The following TNIK variants were observed in gnomAD, a reference collection of about 807,000 sequenced individuals.
The protein encoded by TNIK is TRAF2 and NCK interacting kinase.
In TNIK, 49 loss-of-function variants were observed where a neutral mutation model predicts 191.3. The observed-to-expected ratio is 0.26, with a 90% CI of 0.20 to 0.32. The LOEUF (loss-of-function observed/expected upper bound fraction) is 0.32. Among genes scored for constraint, TNIK ranks in the 10% least tolerant of loss-of-function variants. The probability of loss-of-function intolerance (pLI) is 1.00; values close to 1 mark genes in which losing one functional copy is unlikely to be tolerated. For missense variants in TNIK, 1,155 were observed against 1,702.3 expected (o/e 0.68, Z 5.66); for synonymous variants, 594 against 600.9 (o/e 0.99, Z 0.17).
At chr3:171,401,341 T>C (rs1410441737) in intron 1 of TNIK, among the ~76,000 whole-genome samples, 1 of 152,142 alleles carries the variant, frequency 6.6e-6, no homozygotes, top group Non-Finnish European at 1.5e-5. Flanking sequence ...GCAGACCTAC[T>C]GAACGGTCCT....
At chr3:171,417,722 A>G (rs561711491) in intron 1 of TNIK, among the ~76,000 whole-genome samples, 120 of 152,214 alleles carry the variant, frequency 7.9e-4, no homozygotes, top group Non-Finnish European at 1.3e-3. Flanking sequence ...TGTTTCTTTA[A>G]TACTTACTAG....
intron 12 of TNIK, among the ~76,000 whole-genome samples, 156 bp from the exon 13 acceptor site, chr3:171,140,665 C>A (rs1288976322): frequency 6.6e-6 from 1 of 152,114 alleles, no homozygotes; most frequent in Non-Finnish European, 1.5e-5. Flanking sequence ...TTGGAGGGTA[C>A]ACTGGCAGGG....
At chr3:171,316,911 GATAT>G (rs1191205736) in intron 2 of TNIK, among the ~76,000 whole-genome samples, 14 of 106,590 alleles carry the variant, frequency 1.3e-4, no homozygotes, top group African/African-American at 8.0e-5. Flanking sequence ...ACAATTATAT[GATAT>G]ATATCATATA....
intron 2 of TNIK, among the ~76,000 whole-genome samples, chr3:171,256,514 GA>G (rs1163737508): frequency 6.6e-6 from 1 of 152,156 alleles, no homozygotes; most frequent in Non-Finnish European, 1.5e-5. Context: ...CAAAGCCACA[GA>G]TACAAAGGAC....
intron 2 of TNIK, among the ~76,000 whole-genome samples, chr3:171,240,878 G>C (rs780359359): frequency 1.3e-5 from 2 of 152,102 alleles, no homozygotes; most frequent in Non-Finnish European, 2.9e-5. Flanking sequence ...ATGTCTTGAG[G>C]GCAGCGGCTT....
intron 1 of TNIK, among the ~76,000 whole-genome samples, chr3:171,404,591 C>G (rs1406539381): frequency 6.6e-6 from 1 of 151,948 alleles, no homozygotes; most frequent in African/African-American, 2.4e-5. Flanking sequence ...AGCCTTCAGT[C>G]AAAGTCCTGC....
intron 2 of TNIK, among the ~76,000 whole-genome samples, chr3:171,343,795 G>A (rs1389830790): frequency 1.3e-5 from 2 of 152,156 alleles, no homozygotes; most frequent in African/African-American, 4.8e-5. Flanking sequence ...CCAAATCAAT[G>A]TATCATCACA....
chr3:171,074,492 C>A (rs931542642), intron 28 of TNIK, among the ~76,000 whole-genome samples: 1 of 151,812 alleles, frequency 6.6e-6, no homozygotes, highest in African/African-American at 2.4e-5. Flanking sequence ...TGCATATGTA[C>A]CCCCTGGATC....
chr3:171,150,754 C>G (rs1732326271), intron 12 of TNIK, among the ~76,000 whole-genome samples: 1 of 152,178 alleles, frequency 6.6e-6, no homozygotes, highest in South Asian at 2.1e-4. Flanking sequence ...CTTGTCCTGA[C>G]AAGGCCAGGA....
At chr3:171,080,692 G>T (rs1051828927) in intron 27 of TNIK, among the ~76,000 whole-genome samples, 14 of 152,082 alleles carry the variant, frequency 9.2e-5, no homozygotes, top group African/African-American at 2.9e-4. Context: ...GCCCGCCTCG[G>T]CCTCTCCCAA....
intron 2 of TNIK, among the ~76,000 whole-genome samples, chr3:171,250,280 C>T (rs1022465184): frequency 6.6e-6 from 1 of 152,056 alleles, no homozygotes; most frequent in Non-Finnish European, 1.5e-5. Context: ...AGAGACTGAC[C>T]CAGTCTTGTT....
At chr3:171,194,756 T>C (rs1303329635) in intron 4 of TNIK, 121 bp from the exon 5 acceptor site, 1 of 770,586 alleles carries the variant, frequency 1.3e-6, no homozygotes, top group Non-Finnish European at 2.2e-6. Flanking sequence ...GAAAAAGTTA[T>C]CATAAAACAA....
intron 1 of TNIK, among the ~76,000 whole-genome samples, chr3:171,391,165 G>T (rs535762071): frequency 1.3e-5 from 2 of 152,186 alleles, no homozygotes; most frequent in Admixed American, 1.3e-4. Context: ...AATCACCTTC[G>T]CTGGGATGAT....
intron 1 of TNIK, among the ~76,000 whole-genome samples, chr3:171,414,541 C>T (rs1483288773): frequency 6.6e-6 from 1 of 152,164 alleles, no homozygotes. Context: ...TTCCAGCAGC[C>T]CCAATCAGAT....
intron 1 of TNIK, among the ~76,000 whole-genome samples, chr3:171,427,796 T>C (rs1560061039): frequency 6.6e-6 from 1 of 152,118 alleles, no homozygotes; most frequent in African/African-American, 2.4e-5. Context: ...AATACTTAAG[T>C]CAGGTGATAA....
At chr3:171,349,973 G>A (rs1712869136) in intron 2 of TNIK, among the ~76,000 whole-genome samples, 1 of 152,128 alleles carries the variant, frequency 6.6e-6, no homozygotes, top group African/African-American at 2.4e-5. Context: ...ATCTTTCCCA[G>A]GGAGCTAGAA....
chr3:171,090,427 C>CT (rs375076101), intron 23 of TNIK, among the ~76,000 whole-genome samples: 4,889 of 140,304 alleles, frequency 0.035, 103 homozygotes, highest in Middle Eastern at 0.09. Context: ...TTCTTTCTTT[C>CT]TTTTTTTTTT....
intron 15 of TNIK, among the ~76,000 whole-genome samples, chr3:171,132,388 T>TTA (rs1729431438): frequency 6.6e-6 from 1 of 152,170 alleles, no homozygotes; most frequent in African/African-American, 2.4e-5. Context: ...TACTATAGCA[T>TTA]TATATAGAGA....
chr3:171,445,469 GA>G, intron 1 of TNIK, among the ~76,000 whole-genome samples: 1 of 151,036 alleles, frequency 6.6e-6, no homozygotes, highest in South Asian at 2.1e-4. Flanking sequence ...AGAGGATCCT[GA>G]AGCTGCTGGT....
Sources: gnomAD v4.1 joint callset for allele counts (sites outside exome capture counted in the v4.1 genomes callset) on GRCh38, gnomAD v4.1.1 for gene constraint, MANE v1.5 for transcripts, NCBI Gene and HGNC (gene_info 2026-07-23, HGNC 2026-07-21) for gene names.